Variants in HS3ST3A1 observed in about 807,000 individuals in gnomAD.
The protein encoded by HS3ST3A1 is heparan sulfate-glucosamine 3-sulfotransferase 3A1.
HS3ST3A1 carries 19 observed loss-of-function variants against 25.7 expected under a neutral mutation model. The ratio of observed to expected loss-of-function variants is 0.74; its 90% CI spans 0.52 to 1.08. The LOEUF is 1.08. Ranked by LOEUF, HS3ST3A1 falls within the 50% of genes least tolerant of loss-of-function variation. HS3ST3A1 has a pLI of 0.00. For missense variants in HS3ST3A1, 459 were observed against 594.3 expected (o/e 0.77, Z 2.37); for synonymous variants, 226 against 278.6 (o/e 0.81, Z 1.88).
intron 1 of HS3ST3A1, among the ~76,000 whole-genome samples, chr17:13,572,376 G>A (rs1489718451): frequency 6.6e-6 from 1 of 152,100 alleles, no homozygotes; most frequent in African/African-American, 2.4e-5. Flanking sequence ...CCATCCTAGG[G>A]GGTGACCGCT....
intron 1 of HS3ST3A1, among the ~76,000 whole-genome samples, chr17:13,599,535 CTT>C (rs1432380800): frequency 2.0e-5 from 3 of 151,732 alleles, no homozygotes; most frequent in African/African-American, 4.8e-5. Flanking sequence ...ACAAGATAAA[CTT>C]TATAAAATGG....
intron 1 of HS3ST3A1, among the ~76,000 whole-genome samples, chr17:13,538,508 C>A (rs904521589): frequency 6.6e-6 from 1 of 152,132 alleles, no homozygotes; most frequent in African/African-American, 2.4e-5. Flanking sequence ...GTATTGAATT[C>A]TTTAGAAAGT....
intron 1 of HS3ST3A1, among the ~76,000 whole-genome samples, chr17:13,508,883 G>C (rs756611717): frequency 2.6e-5 from 4 of 152,108 alleles, no homozygotes; most frequent in Non-Finnish European, 4.4e-5. Context: ...CCCACCGTGG[G>C]GCCATCTCTG....
At chr17:13,523,844 C>T (rs1012531807) in intron 1 of HS3ST3A1, among the ~76,000 whole-genome samples, 2 of 151,716 alleles carry the variant, frequency 1.3e-5, no homozygotes, top group South Asian at 2.1e-4. Flanking sequence ...TATTTTTGGC[C>T]GTATCTAGTC....
At chr17:13,498,989 A>G (rs1052273221) in intron 1 of HS3ST3A1, among the ~76,000 whole-genome samples, 4 of 148,372 alleles carry the variant, frequency 2.7e-5, no homozygotes, top group African/African-American at 1.0e-4. Flanking sequence ...CATTTCAGTC[A>G]GTTTATCTTT....
At chr17:13,518,164 A>G (rs191224177) in intron 1 of HS3ST3A1, among the ~76,000 whole-genome samples, 392 of 152,328 alleles carry the variant, frequency 2.6e-3, no homozygotes, top group Non-Finnish European at 4.6e-3. Context: ...TACAGAAATT[A>G]CAGTGGAAAT....
In HS3ST3A1 at chr17:13,565,081, GT is replaced by G. The variant is rs372879699; in HGVS notation, c.599+35449del. 2.1e-3 allele frequency among the ~76,000 whole-genome samples: 324 copies of G among 151,934 alleles called. 2 individuals are homozygous for G. Among genetic ancestry groups the G allele is most frequent in the African/African-American group, 7.3e-3 (301 of 41,448 alleles). On this transcript the variant is annotated intron_variant, in intron 1 of 1. Transcript: ENST00000284110. ...TGCTTTCTATGTACTATGTCTGTTT[GT>G]TTTTTTCTTTTCTTTTATTGGAGTA... is the stretch of plus-strand genomic sequence containing the variant.
At position 13,600,955 on chromosome 17, in the gene HS3ST3A1, C is replaced by G; in HGVS notation, c.175G>C (p.Gly59Arg). The G allele has an allele frequency of 1.3e-6, 2 of 1,540,716 alleles. No homozygotes were observed. The highest frequency in any genetic ancestry group is 1.7e-6 in the Non-Finnish European group (2 of 1,143,654). ...LSGPVVGLSG[G>R]GEEAGAPGGG... Reference sequence around the variant, plus strand: ...CCAGGGGCCCCCGCCTCCTCGCCGCCGCCGGACAGCCCCACGACGGGGCCG... The same window carrying G: ...CCAGGGGCCCCCGCCTCCTCGCCGCGGCCGGACAGCCCCACGACGGGGCCG... The change falls in exon 1 of 2, where the codon GGC becomes CGC. Residue 59 changes from glycine (G) to arginine (R), a missense_variant. Transcript: ENST00000284110.
At chr17:13,552,095 T>G (rs1053654878) in intron 1 of HS3ST3A1, among the ~76,000 whole-genome samples, 3 of 152,214 alleles carry the variant, frequency 2.0e-5, no homozygotes, top group African/African-American at 7.2e-5. Flanking sequence ...ATTTTTATTT[T>G]TTGAGACAGA....
intron 1 of HS3ST3A1, among the ~76,000 whole-genome samples, chr17:13,595,611 C>T (rs1364676947): frequency 6.6e-6 from 1 of 152,148 alleles, no homozygotes; most frequent in Non-Finnish European, 1.5e-5. Context: ...AATTGCAACT[C>T]ATCGCTTAAG....
At chr17:13,560,071 C>T (rs975614939) in intron 1 of HS3ST3A1, among the ~76,000 whole-genome samples, 3 of 151,422 alleles carry the variant, frequency 2.0e-5, no homozygotes, top group African/African-American at 7.3e-5. Context: ...AGGCAGATCA[C>T]CTGAGGTCAG....
intron 1 of HS3ST3A1, among the ~76,000 whole-genome samples, chr17:13,543,834 G>A (rs149181599): frequency 2.3e-3 from 343 of 152,208 alleles, no homozygotes; most frequent in African/African-American, 7.5e-3. Context: ...TCTGGATTCC[G>A]AAGCATCACA....
intron 1 of HS3ST3A1, among the ~76,000 whole-genome samples, chr17:13,590,300 G>C (rs78102026): frequency 6.8e-6 from 1 of 146,664 alleles, no homozygotes; most frequent in Non-Finnish European, 1.5e-5. Context: ...TCAATTCAAG[G>C]CTTTAATTTA....
At chr17:13,502,831 T>C (rs1421341055) in intron 1 of HS3ST3A1, among the ~76,000 whole-genome samples, 1 of 151,530 alleles carries the variant, frequency 6.6e-6, no homozygotes, top group Non-Finnish European at 1.5e-5. Flanking sequence ...ATCTTGATGA[T>C]TTTGAAGGAG....
intron 1 of HS3ST3A1, among the ~76,000 whole-genome samples, chr17:13,554,692 A>C (rs1422015442): frequency 6.6e-6 from 1 of 152,156 alleles, no homozygotes; most frequent in Non-Finnish European, 1.5e-5. Context: ...TTTGAAAGAG[A>C]GATAAAGCAA....
At chr17:13,537,604 C>A (rs180721312) in intron 1 of HS3ST3A1, among the ~76,000 whole-genome samples, 2 of 152,238 alleles carry the variant, frequency 1.3e-5, no homozygotes, top group East Asian at 1.9e-4. Flanking sequence ...AAATGTATTG[C>A]GCCTATAATT....
Position 13,496,731 on chromosome 17 carries a change from G to C in HS3ST3A1, c.687C>G (p.Ile229Met), listed in dbSNP as rs143278531. The C allele has an allele frequency of 6.5e-4, 1,052 of 1,613,976 alleles. No homozygotes were observed. Among genetic ancestry groups the C allele is most frequent in the Non-Finnish European group, 5.9e-4 (697 of 1,179,952 alleles). The change falls in exon 2 of 2, where the codon ATC (isoleucine) becomes ATG (methionine). Residue 229 changes from isoleucine to methionine, a missense_variant. Coordinates refer to ENST00000284110, the MANE Select transcript of HS3ST3A1 (RefSeq NM_006042.3). ...YFVTREAPAR[I>M]SAMSKDTKLI... Reference sequence around the variant, plus strand: ...GCTTGGTGTCCTTGGACATGGCCGAGATGCGCGCGGGGGCCTCCCGCGTGA... The same window carrying C: ...GCTTGGTGTCCTTGGACATGGCCGACATGCGCGCGGGGGCCTCCCGCGTGA...
At chr17:13,561,446 G>T (rs1889002231) in intron 1 of HS3ST3A1, among the ~76,000 whole-genome samples, 1 of 151,504 alleles carries the variant, frequency 6.6e-6, no homozygotes, top group African/African-American at 2.4e-5. Context: ...GAGTACAGTG[G>T]CGTAATCTTG....
intron 1 of HS3ST3A1, chr17:13,555,982 C>T (rs1003554289): frequency 6.6e-6 from 1 of 152,168 alleles, no homozygotes; most frequent in Admixed American, 6.5e-5. Flanking sequence ...TTGTCTTTCT[C>T]CCAATCTTAT....
Sources: allele counts gnomAD v4.1 joint callset (sites outside exome capture counted in the v4.1 genomes callset), GRCh38; gene constraint gnomAD v4.1.1; transcripts MANE v1.5; gene names NCBI Gene and HGNC (gene_info 2026-07-23, HGNC 2026-07-21).